Variants in ABTB3 observed in about 807,000 individuals in gnomAD.
ABTB3 encodes the protein ankyrin repeat and BTB domain containing 3, also known as ankyrin repeat- and BTB/POZ domain-containing protein 3.
the ABTB3 span, among the ~76,000 whole-genome samples, chr12:107,509,144 G>A: frequency 6.6e-6 from 1 of 152,128 alleles, no homozygotes. Context: ...TTCCTCTTAA[G>A]CCCCTATGAG....
the ABTB3 span, among the ~76,000 whole-genome samples, chr12:107,336,162 T>G: frequency 6.6e-6 from 1 of 152,214 alleles, no homozygotes; most frequent in Admixed American, 6.5e-5. Flanking sequence ...CTTCCCAACC[T>G]TCCATGCCAA....
chr12:107,645,326 C>CT, the ABTB3 span, among the ~76,000 whole-genome samples: 1 of 152,170 alleles, frequency 6.6e-6, no homozygotes, highest in Non-Finnish European at 1.5e-5. Flanking sequence ...GGACCTGTCT[C>CT]TGAGAACCAC....
chr12:107,347,631 C>T, the ABTB3 span, among the ~76,000 whole-genome samples: 2 of 152,124 alleles, frequency 1.3e-5, no homozygotes, highest in African/African-American at 2.4e-5. Flanking sequence ...TACATGATGG[C>T]TGGCTTCCAA....
the ABTB3 span, among the ~76,000 whole-genome samples, chr12:107,492,683 G>A: frequency 0.26 from 38,898 of 151,950 alleles, 5,617 homozygotes; most frequent in African/African-American, 0.39. Context: ...GTTAACGGCC[G>A]CTGTGGGAGG....
the ABTB3 span, among the ~76,000 whole-genome samples, chr12:107,325,737 G>T: frequency 6.6e-6 from 1 of 152,242 alleles, no homozygotes; most frequent in South Asian, 2.1e-4. Context: ...CTACTGAGAG[G>T]TAAATACAAA....
chr12:107,465,278 G>A, the ABTB3 span, among the ~76,000 whole-genome samples: 11 of 152,244 alleles, frequency 7.2e-5, no homozygotes, highest in African/African-American at 2.4e-4. Context: ...GGAAGGCACC[G>A]CATGTCAAAC....
chr12:107,488,604 CCA>C, the ABTB3 span, among the ~76,000 whole-genome samples: 1 of 151,286 alleles, frequency 6.6e-6, no homozygotes, highest in Non-Finnish European at 1.5e-5. Context: ...GCACAGGGAG[CCA>C]TTGAAGATTT....
chr12:107,609,942 A>G, the ABTB3 span: 3 of 491,752 alleles, frequency 6.1e-6, no homozygotes, highest in South Asian at 7.4e-5. Context: ...AATATTCAAT[A>G]CGTATTAGTC....
At chr12:107,657,467 C>T in the ABTB3 span, 200 of 1,558,322 alleles carry the variant, frequency 1.3e-4, no homozygotes, top group Middle Eastern at 1.7e-4. Flanking sequence ...AGGTGCTTTT[C>T]GGAAGCGTAA....
At chr12:107,486,735 CAAAAAAAAAAAAA>C in the ABTB3 span, 1 of 50,258 alleles carries the variant, frequency 2.0e-5, no homozygotes, top group Non-Finnish European at 4.8e-5. Context: ...TCTTAATAGC[CAAAAAAAAAAAAA>C]AAAAAAAATC....
At chr12:107,384,264 A>G in the ABTB3 span, among the ~76,000 whole-genome samples, 10 of 152,158 alleles carry the variant, frequency 6.6e-5, no homozygotes. Flanking sequence ...GCTTAGGGCC[A>G]TGTAGCTAGG....
the ABTB3 span, among the ~76,000 whole-genome samples, chr12:107,587,980 C>T: frequency 2.0e-5 from 3 of 152,194 alleles, no homozygotes; most frequent in Non-Finnish European, 4.4e-5. Flanking sequence ...CAGGGCCATA[C>T]TCCTTCAAAA....
the ABTB3 span, among the ~76,000 whole-genome samples, chr12:107,567,424 A>G: frequency 6.6e-6 from 1 of 152,272 alleles, no homozygotes; most frequent in South Asian, 2.1e-4. Flanking sequence ...ATGGTACTGT[A>G]TTTTTACTGT....
At chr12:107,612,667 C>T in the ABTB3 span, 128 of 1,064,588 alleles carry the variant, frequency 1.2e-4, no homozygotes, top group Middle Eastern at 4.1e-4. Context: ...TTTGTCATGC[C>T]GGAGCACAAG....
chr12:107,355,273 T>C, the ABTB3 span, among the ~76,000 whole-genome samples: 1 of 152,200 alleles, frequency 6.6e-6, no homozygotes, highest in Admixed American at 6.5e-5. Flanking sequence ...GAGACCCACC[T>C]GGGATTAGAA....
chr12:107,340,517 A>G, the ABTB3 span, among the ~76,000 whole-genome samples: 1 of 152,176 alleles, frequency 6.6e-6, no homozygotes, highest in Non-Finnish European at 1.5e-5. Flanking sequence ...TGTGTTGTCT[A>G]TAAATCTGAA....
chr12:107,546,646 C>T, the ABTB3 span, among the ~76,000 whole-genome samples: 17 of 152,238 alleles, frequency 1.1e-4, no homozygotes, highest in African/African-American at 4.1e-4. Context: ...GGTGGATCAC[C>T]TGAGGTCAGG....
the ABTB3 span, among the ~76,000 whole-genome samples, chr12:107,608,535 C>T: frequency 6.6e-6 from 1 of 152,162 alleles, no homozygotes; most frequent in South Asian, 2.1e-4. Flanking sequence ...TCATACTGGC[C>T]CTGCTCAAAG....
At chr12:107,549,582 A>T in the ABTB3 span, among the ~76,000 whole-genome samples, 1 of 152,258 alleles carries the variant, frequency 6.6e-6, no homozygotes, top group Non-Finnish European at 1.5e-5. Context: ...TAAAGCAGGA[A>T]GAAAACCTCT....
Sources: allele counts gnomAD v4.1 joint callset (sites outside exome capture counted in the v4.1 genomes callset), GRCh38; gene constraint gnomAD v4.1.1; transcripts MANE v1.5; gene names NCBI Gene and HGNC (gene_info 2026-07-23, HGNC 2026-07-21).